Variants in UBTF observed in about 807,000 individuals in gnomAD.
UBTF encodes the protein nucleolar transcription factor 1.
Under a neutral mutation model 112.3 loss-of-function variants are expected in UBTF, and 8 were observed. That is an observed-to-expected ratio of 0.07 (90% CI 0.04 to 0.13). UBTF has a LOEUF of 0.13. Ranked by LOEUF, UBTF falls within the 10% of genes least tolerant of loss-of-function variation. The pLI is 1.00. For synonymous variants in UBTF, 417 were observed against 373.1 expected (o/e 1.12, Z -1.36); for missense variants, 457 against 982.1 (o/e 0.47, Z 7.15).
intron 6 of UBTF, 112 bp downstream of exon 6, chr17:44,213,106 G>A: frequency 3.3e-6 from 5 of 1,535,364 alleles, no homozygotes; most frequent in Admixed American, 1.8e-5. Flanking sequence ...GCTCACATGT[G>A]ACCCATCCTC....
At chr17:44,213,772 G>C (rs956814680) in intron 5 of UBTF, among the ~76,000 whole-genome samples, 2 of 152,174 alleles carry the variant, frequency 1.3e-5, no homozygotes, top group African/African-American at 4.8e-5. Context: ...TCCAAGGCAT[G>C]AGGGGAGATT....
In UBTF at chr17:44,211,196, G is replaced by T; in HGVS notation, c.1090-44C>A. ...CACGGGGCTGCATGCCTGGCACCCA[G>T]ACTGCATGGTGCCCTATCTCCAGGG... On this transcript the variant is annotated intron_variant, in intron 11 of 20. Transcript: ENST00000436088. The surrounding 1 kb of genome is among the most constrained non-coding windows in gnomAD (Gnocchi z 4.9). The T allele has an allele frequency of 6.2e-7, 1 of 1,613,290 alleles. No individual in the cohort carries two copies. Among genetic ancestry groups the T allele is most frequent in the South Asian group, 1.1e-5 (1 of 91,078 alleles).
intron 5 of UBTF, 103 bp from the exon 6 acceptor site, chr17:44,213,385 G>A (rs1246515714): frequency 9.4e-6 from 12 of 1,280,502 alleles, no homozygotes; most frequent in Admixed American, 4.5e-5. Flanking sequence ...TGCCTCCCAC[G>A]CTGTGATGCA....
rs1275212310 is a variant in UBTF, at chr17:44,206,436, A to T, written c.*806T>A. 3 of 148,452 alleles carry T rather than the reference A, an allele frequency of 2.0e-5. No homozygotes were observed. Among genetic ancestry groups the T allele is most frequent in the African/African-American group, 7.6e-5 (3 of 39,440 alleles). The allele number at this position is 148,452 out of a possible 1,614,324, so 9.2% of individuals were successfully genotyped here. On this transcript the variant is annotated 3_prime_UTR_variant, in exon 21 of 21. Coordinates refer to ENST00000436088, the MANE Select transcript of UBTF (RefSeq NM_014233.4). ...TTTACACACACACACACACACTCACACTCTTTTGCACACATCCACAGCTGC... is the reference window on the plus strand; with the variant it reads ...TTTACACACACACACACACACTCACTCTCTTTTGCACACATCCACAGCTGC...
In UBTF at chr17:44,219,521, T is replaced by G. The variant is rs2047056526; in HGVS notation, c.-144A>C. 1 of 152,132 alleles carries G rather than the reference T, an allele frequency of 6.6e-6. No individual in the cohort carries two copies. The highest frequency in any genetic ancestry group is 2.4e-5 in the African/African-American group (1 of 41,130). 9.4% of individuals were successfully genotyped at this position (152,132 alleles called of 1,614,324 possible). The stretch of plus-strand genomic sequence containing the variant: ...TCTGAGTGGCGGCGCCCTCCCCCGC[T>G]CGGCCGGGCACAGCCGCAGCTCCCT... On this transcript the variant is annotated 5_prime_UTR_variant, in exon 1 of 21. Coordinates refer to ENST00000436088, the MANE Select transcript of UBTF (RefSeq NM_014233.4).
chr17:44,220,451 AG>A, upstream of UBTF, among the ~76,000 whole-genome samples: 1 of 152,048 alleles, frequency 6.6e-6, no homozygotes, highest in Middle Eastern at 3.4e-3. Context: ...CGCGGCGTCC[AG>A]CTTCGGTGCC....
chr17:44,217,813 AG>A (rs945004332), intron 2 of UBTF, among the ~76,000 whole-genome samples: 1 of 152,146 alleles, frequency 6.6e-6, no homozygotes, highest in African/African-American at 2.4e-5. Context: ...CTTCCTAAAA[AG>A]CCTGAGAAGC....
At position 44,206,982 on chromosome 17, in the gene UBTF, T is replaced by A. The variant is rs1032991739; in HGVS notation, c.*260A>T. On this transcript the variant is annotated 3_prime_UTR_variant, in exon 21 of 21. Coordinates refer to ENST00000436088, the MANE Select transcript of UBTF (RefSeq NM_014233.4). ...CAGAAGTGGGTGGGGTGGGCCAGGC[T>A]GGTCCGGTGCTGGCTTAGTCTGATA... 1.2e-4 allele frequency: 63 copies of A among 545,122 alleles called. No homozygotes were observed. Among genetic ancestry groups the A allele is most frequent in the Non-Finnish European group, 1.8e-4 (56 of 310,734 alleles). 33.8% of individuals were successfully genotyped at this position (545,122 alleles called of 1,614,324 possible).
Position 44,207,130 on chromosome 17 carries a change from A to T in UBTF, c.*112T>A. ...TTTTTTTTTTTAAAGAAAGAAAGAA[A>T]GTGGGGGAGGCCAGGGGGGCAAGGG... On this transcript the variant is annotated 3_prime_UTR_variant, in exon 21 of 21. Coordinates refer to ENST00000436088, the MANE Select transcript of UBTF (RefSeq NM_014233.4). 4 of 1,150,102 alleles carry T rather than the reference A, an allele frequency of 3.5e-6. No homozygotes were observed. Among genetic ancestry groups the T allele is most frequent in the Non-Finnish European group, 4.9e-6 (4 of 818,044 alleles). The allele number at this position is 1,150,102 out of a possible 1,614,324, so 71.2% of individuals were successfully genotyped here. A position where few individuals can be genotyped will look rare whatever the true frequency, so the allele number is the denominator to read the frequency against.
intron 13 of UBTF, 129 bp downstream of exon 13, chr17:44,210,663 C>G (rs1284500910): frequency 7.1e-7 from 1 of 1,398,998 alleles, no homozygotes; most frequent in Non-Finnish European, 9.4e-7. Context: ...TGCTGGGCGC[C>G]GGCCCCACGT....
In UBTF at chr17:44,207,129, A is replaced by C. The variant is rs1434634002; in HGVS notation, c.*113T>G. 1 of 1,184,380 alleles carries C rather than the reference A, an allele frequency of 8.4e-7. No homozygotes were observed. The highest frequency in any genetic ancestry group is 1.2e-6 in the Non-Finnish European group (1 of 848,924). The allele number at this position is 1,184,380 out of a possible 1,614,324, so 73.4% of individuals were successfully genotyped here. A position where few individuals can be genotyped will look rare whatever the true frequency, so the allele number is the denominator to read the frequency against. On this transcript the variant is annotated 3_prime_UTR_variant, in exon 21 of 21. Transcript: ENST00000436088. Reference sequence around the variant, plus strand: ...TTTTTTTTTTTTAAAGAAAGAAAGAAAGTGGGGGAGGCCAGGGGGGCAAGG... The same window carrying C: ...TTTTTTTTTTTTAAAGAAAGAAAGACAGTGGGGGAGGCCAGGGGGGCAAGG...
intron 13 of UBTF, 57 bp downstream of exon 13, chr17:44,210,735 G>T (rs2056616137): frequency 1.3e-6 from 2 of 1,543,802 alleles, no homozygotes; most frequent in African/African-American, 1.4e-5. Flanking sequence ...CCGCCAAGGG[G>T]AAGAGGGGGC....
At chr17:44,207,623 G>A in intron 19 of UBTF, 26 bp from the exon 20 acceptor site, 2 of 1,614,034 alleles carry the variant, frequency 1.2e-6, no homozygotes, top group Non-Finnish European at 1.7e-6. Flanking sequence ...GCACATCAGT[G>A]GTCTCTGGTC....
Position 44,218,292 on chromosome 17 carries a change from T to C in UBTF, c.-63A>G, listed in dbSNP as rs993712442. The C allele has an allele frequency of 5.1e-6, 8 of 1,579,960 alleles. No homozygotes were observed. The African/African-American group carries it at 9.5e-5, about 19-fold the overall frequency. On this transcript the variant is annotated 5_prime_UTR_variant, in exon 2 of 21. Transcript: ENST00000436088. The stretch of plus-strand genomic sequence containing the variant: ...CGGGCAACCCGGGGTCAAAGCCACC[T>C]CACCCTTTGGAAGACATACCAGTTC...
At chr17:44,213,655 C>T (rs1438219197) in intron 5 of UBTF, among the ~76,000 whole-genome samples, 1 of 152,204 alleles carries the variant, frequency 6.6e-6, no homozygotes, top group Non-Finnish European at 1.5e-5. Context: ...CGGGTGCAGG[C>T]CTTGCTCCTG....
At chr17:44,218,394 TGA>T in intron 1 of UBTF, 98 bp from the exon 2 acceptor site, 1 of 681,024 alleles carries the variant, frequency 1.5e-6, no homozygotes, top group Non-Finnish European at 2.5e-6. Context: ...GTCCACACTC[TGA>T]GAGACTCAGC....
chr17:44,208,538 C>T (rs185314493), intron 17 of UBTF: 140 of 154,346 alleles, frequency 9.1e-4, no homozygotes, highest in Non-Finnish European at 2.5e-4. Context: ...AAAGAAGTGC[C>T]CCCGTGATGA....
intron 8 of UBTF, 52 bp downstream of exon 8, chr17:44,212,292 G>A (rs1392020350): frequency 4.6e-6 from 7 of 1,506,558 alleles, no homozygotes; most frequent in Admixed American, 1.7e-5. Flanking sequence ...CGGAGTCGGA[G>A]GGCAGAGGCT....
chr17:44,220,261 C>T (rs1355651031), upstream of UBTF, among the ~76,000 whole-genome samples: 6 of 151,908 alleles, frequency 3.9e-5, no homozygotes, highest in African/African-American at 1.4e-4. Flanking sequence ...CGGAGGTGCC[C>T]CCGGCGTCCG....
Sources: gnomAD v4.1 joint callset for allele counts (sites outside exome capture counted in the v4.1 genomes callset) on GRCh38, gnomAD v4.1.1 for gene constraint, Gnocchi (gnomAD v3.1) non-coding constraint, MANE v1.5 for transcripts, NCBI Gene and HGNC (gene_info 2026-07-23, HGNC 2026-07-21) for gene names.